Variants in DOCK1 observed in about 807,000 individuals in gnomAD.
DOCK1 encodes the protein dedicator of cytokinesis 1, also known as dedicator of cytokinesis protein 1.
A neutral mutation model predicts 262.7 loss-of-function variants in DOCK1; 138 were observed. That is an observed-to-expected ratio of 0.53 (90% confidence interval 0.46 to 0.61). DOCK1 has a LOEUF of 0.61. DOCK1 is among the 20% of genes least tolerant of loss of function. The probability of loss-of-function intolerance (pLI) is 0.00; values close to 1 mark genes in which losing one functional copy is unlikely to be tolerated. For missense variants in DOCK1, 1,908 were observed against 2,370.7 expected, an observed-to-expected ratio of 0.80 and a Z score of 4.05; for synonymous variants, 866 against 867.4, an observed-to-expected ratio of 1.00 and a Z score of 0.03.
At chr10:126,937,293 C>T (rs1299911639) in intron 1 of DOCK1, among the ~76,000 whole-genome samples, 1 of 152,194 alleles carries the variant, frequency 6.6e-6, no homozygotes, top group Non-Finnish European at 1.5e-5. Context: ...CTGCTATGAA[C>T]ATGGGTGTAC....
chr10:127,127,634 C>T (rs761263279), intron 26 of DOCK1, 35 bp from the exon 27 acceptor site: 10 of 1,534,788 alleles, frequency 6.5e-6, no homozygotes, highest in Non-Finnish European at 9.0e-6. Context: ...TAATGTTTCT[C>T]TGGTGTTGGT....
intron 1 of DOCK1, among the ~76,000 whole-genome samples, chr10:126,917,535 G>T (rs192619965): frequency 6.6e-6 from 1 of 152,124 alleles, no homozygotes. Context: ...GCTGGTCCCC[G>T]GTCACAGTCT....
chr10:127,037,746 G>A lies in DOCK1; in HGVS notation c.1940G>A (p.Arg647His), dbSNP rs753998108. The A allele has an allele frequency of 3.8e-6, 6 of 1,594,796 alleles. No individual in the cohort carries two copies. In the African/African-American group the frequency reaches 4.0e-5, roughly 11 times the overall value. The part of the protein sequence containing the change: ...NVDLLGLLKW[R>H]SNTSLLQQNL... ...GACCTTCTGGGGCTCTTGAAATGGC[G>A]CTCCAACACCAGCCTGCTGCAGCAG... The change falls in exon 19 of 52, where the codon CGC (arginine) becomes CAC (histidine). Residue 647 changes from arginine to histidine, a missense_variant. By Grantham distance (29) the Arg-to-His change is conservative. Transcript: ENST00000623213.
chr10:127,085,422 A>G (rs2047137810), intron 23 of DOCK1, among the ~76,000 whole-genome samples: 1 of 152,210 alleles, frequency 6.6e-6, no homozygotes, highest in Non-Finnish European at 1.5e-5. Flanking sequence ...GGATAAAACA[A>G]CAAATACCCA....
chr10:127,006,783 A>C (rs1023149438), intron 10 of DOCK1, among the ~76,000 whole-genome samples: 1 of 151,922 alleles, frequency 6.6e-6, no homozygotes, highest in African/African-American at 2.4e-5. Context: ...GTGGCAAGGG[A>C]GTCCCATGGT....
chr10:127,172,980 G>A (rs1026321812), intron 27 of DOCK1, among the ~76,000 whole-genome samples: 13 of 152,306 alleles, frequency 8.5e-5, no homozygotes, highest in African/African-American at 3.1e-4. Flanking sequence ...CAATAGCCAC[G>A]TGCAGCTAGT....
At chr10:127,115,443 G>T (rs750618100) in intron 25 of DOCK1, among the ~76,000 whole-genome samples, 1 of 152,188 alleles carries the variant, frequency 6.6e-6, no homozygotes, top group African/African-American at 2.4e-5. Flanking sequence ...AATCTGTGGT[G>T]TGGAGTGAGC....
At chr10:127,017,538 CACACAG>C (rs1291913515) in intron 12 of DOCK1, among the ~76,000 whole-genome samples, 7 of 124,942 alleles carry the variant, frequency 5.6e-5, no homozygotes, top group Admixed American at 2.4e-4. Flanking sequence ...CACACATGGA[CACACAG>C]ACACACACAC....
chr10:127,126,253 C>A (rs900150090), intron 26 of DOCK1, among the ~76,000 whole-genome samples: 1 of 152,050 alleles, frequency 6.6e-6, no homozygotes, highest in African/African-American at 2.4e-5. Context: ...TGCCACCATG[C>A]CCAGCTAATT....
At chr10:127,442,477 C>G (rs1022741454) in intron 49 of DOCK1, among the ~76,000 whole-genome samples, 1 of 152,092 alleles carries the variant, frequency 6.6e-6, no homozygotes, top group South Asian at 2.1e-4. Context: ...TGTAACTGCT[C>G]CTGTTCCCCA....
chr10:127,002,485 G>A (rs897608097), intron 10 of DOCK1, among the ~76,000 whole-genome samples: 5 of 152,200 alleles, frequency 3.3e-5, no homozygotes, highest in Admixed American at 6.5e-5. Context: ...TGGATGGAGA[G>A]GGTGATGGGC....
intron 27 of DOCK1, among the ~76,000 whole-genome samples, chr10:127,217,214 T>A (rs1589986560): frequency 6.6e-6 from 1 of 152,226 alleles, no homozygotes; most frequent in East Asian, 1.9e-4. Context: ...TACCTGGGGT[T>A]AGTTTTTGGT....
intron 27 of DOCK1, among the ~76,000 whole-genome samples, chr10:127,210,331 C>T (rs4750746): frequency 0.35 from 53,226 of 152,052 alleles, 9,415 homozygotes; most frequent in East Asian, 0.43. Flanking sequence ...ATGACTCCCA[C>T]GGAAGCTGTG....
intron 29 of DOCK1, among the ~76,000 whole-genome samples, chr10:127,283,722 C>CT (rs2061048168): frequency 2.0e-5 from 3 of 152,198 alleles, no homozygotes; most frequent in Admixed American, 1.3e-4. Flanking sequence ...TGCCAACTTT[C>CT]TTATTGGCTG....
chr10:127,005,599 A>G lies in DOCK1; in HGVS notation c.986-3133A>G, dbSNP rs113280309. Among the ~76,000 whole-genome samples, 118 of 152,310 alleles carry G rather than the reference A, an allele frequency of 7.7e-4. 1 individual carries two copies. Among genetic ancestry groups the G allele is most frequent in the South Asian group, 4.8e-3 (23 of 4,822 alleles). On this transcript the variant is annotated intron_variant, in intron 10 of 51. Coordinates refer to ENST00000623213, the MANE Select transcript of DOCK1 (RefSeq NM_001290223.2). ...CATTTCTGTCTTTTAACCTTTTTAT[A>G]ATGTAACCTTTTCTATCTTTTTCTA...
chr10:126,905,670 G>C lies in DOCK1; in HGVS notation c.46+107G>C, dbSNP rs1169773803. 4 of 158,732 alleles carry C rather than the reference G, an allele frequency of 2.5e-5. No individual in the cohort carries two copies. The Admixed American group carries it at 2.6e-4, about 10-fold the overall frequency. 9.8% of individuals were successfully genotyped at this position (158,732 alleles called of 1,614,324 possible). ...CGCCCCGAGCGGCCGCCGGGCCGGG[G>C]AGAGGCGCTTCCGCCCGCGCCCGCG... is the stretch of plus-strand genomic sequence containing the variant. On this transcript the variant is annotated intron_variant, in intron 1 of 51. Transcript: ENST00000623213.
chr10:127,326,959 C>T (rs573207251), intron 29 of DOCK1, among the ~76,000 whole-genome samples: 10 of 152,314 alleles, frequency 6.6e-5, no homozygotes, highest in South Asian at 2.1e-4. Context: ...TTTTGAAAGG[C>T]ATCTTGTTTC....
intron 29 of DOCK1, among the ~76,000 whole-genome samples, chr10:127,314,126 C>T (rs2062171721): frequency 6.6e-6 from 1 of 152,212 alleles, no homozygotes. Context: ...TGAGCCTGCT[C>T]ATGGCATGAC....
At chr10:127,207,932 A>G (rs574797231) in intron 27 of DOCK1, among the ~76,000 whole-genome samples, 7 of 152,162 alleles carry the variant, frequency 4.6e-5, no homozygotes, top group Non-Finnish European at 8.8e-5. Flanking sequence ...AATTTTAAGA[A>G]TGAATTGATG....
Sources: allele counts gnomAD v4.1 joint callset (sites outside exome capture counted in the v4.1 genomes callset), GRCh38; gene constraint gnomAD v4.1.1; transcripts MANE v1.5; gene names NCBI Gene and HGNC (gene_info 2026-07-23, HGNC 2026-07-21).